The following KCNQ5 variants were observed in gnomAD, a reference collection of about 807,000 sequenced individuals.
The protein encoded by KCNQ5 is potassium voltage-gated channel subfamily KQT member 5.
A neutral mutation model predicts 98.2 loss-of-function variants in KCNQ5; 30 were observed. The ratio of observed to expected loss-of-function variants is 0.31; its 90% CI spans 0.23 to 0.41. The LOEUF is 0.41. Among genes scored for constraint, KCNQ5 ranks in the 10% least tolerant of loss-of-function variants. The pLI is 1.00. For synonymous variants in KCNQ5, 458 were observed against 449.4 expected (o/e 1.02, Z -0.24); for missense variants, 835 against 1,182.5 (o/e 0.71, Z 4.31).
At position 72,789,568 on chromosome 6, in the gene KCNQ5, T is replaced by TTATA. The variant is rs1773925877; in HGVS notation, c.398+166982_398+166985dup. On this transcript the variant is annotated intron_variant, in intron 1 of 13. Transcript: ENST00000370398. The stretch of plus-strand genomic sequence containing the variant: ...ATATAGAGAAAGGAAATATAACTTG[T>TTATA]TATAGAAAGAGTATCAGTGATAGAA... Among the ~76,000 whole-genome samples the TTATA allele has an allele frequency of 2.6e-5, 4 of 152,194 alleles. No homozygotes were observed. The South Asian group carries it at 8.3e-4, about 32-fold the overall frequency.
At chr6:73,110,955 T>C (rs536840881) in intron 6 of KCNQ5, among the ~76,000 whole-genome samples, 9 of 152,250 alleles carry the variant, frequency 5.9e-5, no homozygotes, top group Non-Finnish European at 8.8e-5. Context: ...CAATCTAACT[T>C]AGGCAAAAAG....
chr6:72,986,224 C>A, intron 1 of KCNQ5: 1 of 183,320 alleles, frequency 5.5e-6, no homozygotes, highest in Non-Finnish European at 1.1e-5. Flanking sequence ...TGTGAGACTC[C>A]ATCTCAAAAG....
intron 1 of KCNQ5, among the ~76,000 whole-genome samples, chr6:72,683,108 TTTG>T (rs1767785055): frequency 6.6e-6 from 1 of 152,142 alleles, no homozygotes. Flanking sequence ...TTACCACAAT[TTTG>T]TTAAGTGGAG....
chr6:72,798,285 G>T (rs1055737544), intron 1 of KCNQ5, among the ~76,000 whole-genome samples: 1 of 152,144 alleles, frequency 6.6e-6, no homozygotes, highest in African/African-American at 2.4e-5. Context: ...TGGTATTATG[G>T]TTTGAAGGTA....
intron 1 of KCNQ5, among the ~76,000 whole-genome samples, chr6:72,775,846 A>G (rs564334180): frequency 9.2e-5 from 14 of 152,312 alleles, no homozygotes; most frequent in African/African-American, 3.4e-4. Context: ...AAACAAGGAA[A>G]GCCTGAGAAC....
At chr6:73,113,660 A>C (rs1775354389) in intron 7 of KCNQ5, among the ~76,000 whole-genome samples, 1 of 152,266 alleles carries the variant, frequency 6.6e-6, no homozygotes, top group South Asian at 2.1e-4. Flanking sequence ...ACTGTGCAAC[A>C]ATAATTTCCA....
intron 1 of KCNQ5, among the ~76,000 whole-genome samples, chr6:72,695,619 T>C (rs1768448993): frequency 6.6e-6 from 1 of 152,192 alleles, no homozygotes; most frequent in Non-Finnish European, 1.5e-5. Context: ...TGCATGACTG[T>C]GTTTATAATA....
At chr6:73,155,914 A>G (rs750682323) in intron 10 of KCNQ5, among the ~76,000 whole-genome samples, 14 of 152,314 alleles carry the variant, frequency 9.2e-5, no homozygotes, top group East Asian at 1.9e-4. Context: ...TTCCTTATTC[A>G]TGCCTTGAGG....
At chr6:72,777,996 T>C (rs1158191321) in intron 1 of KCNQ5, among the ~76,000 whole-genome samples, 1 of 152,144 alleles carries the variant, frequency 6.6e-6, no homozygotes, top group East Asian at 1.9e-4. Context: ...TAATCAACTC[T>C]GAAACTCAAG....
At position 72,809,202 on chromosome 6, in the gene KCNQ5, T is replaced by G. The variant is rs1775110281; in HGVS notation, c.398+186615T>G. Among the ~76,000 whole-genome samples, 5 of 123,252 alleles carry G rather than the reference T, an allele frequency of 4.1e-5. No individual in the cohort carries two copies. In the South Asian group the frequency reaches 1.4e-3, roughly 34 times the overall value. The allele number at this position is 123,252 out of a possible 152,430, so 80.9% of individuals were successfully genotyped here. ...GTGGGAATTGAACAATGAGATCACA[T>G]GGACACAGGAAGGGGAACATCACAC... is the stretch of plus-strand genomic sequence containing the variant. On this transcript the variant is annotated intron_variant, in intron 1 of 13. Transcript: ENST00000370398.
At chr6:73,190,954 G>A (rs76242794) in intron 12 of KCNQ5, among the ~76,000 whole-genome samples, 4,256 of 152,174 alleles carry the variant, frequency 0.028, 185 homozygotes, top group African/African-American at 0.097. Context: ...TGCCTTATAG[G>A]GTTGTCATGA....
At chr6:73,084,317 G>T (rs1354665591) in intron 5 of KCNQ5, among the ~76,000 whole-genome samples, 3 of 152,146 alleles carry the variant, frequency 2.0e-5, no homozygotes, top group Non-Finnish European at 2.9e-5. Context: ...TTTAATGTTG[G>T]ATTCCCAGCC....
intron 3 of KCNQ5, chr6:73,055,342 G>T: frequency 1.4e-6 from 2 of 1,437,550 alleles, no homozygotes; most frequent in South Asian, 2.3e-5. Flanking sequence ...TGAGGACTTG[G>T]CGCCTCAATG....
chr6:72,998,758 T>A (rs1379078652), intron 1 of KCNQ5, among the ~76,000 whole-genome samples: 1 of 151,278 alleles, frequency 6.6e-6, no homozygotes, highest in East Asian at 1.9e-4. Context: ...AAATTTAAGA[T>A]CTCCCCTCCC....
chr6:73,024,722 C>T (rs1770794827), intron 2 of KCNQ5, among the ~76,000 whole-genome samples: 2 of 152,280 alleles, frequency 1.3e-5, no homozygotes, highest in Non-Finnish European at 2.9e-5. Context: ...TTTTATAAGA[C>T]TGACATTTCA....
At chr6:72,888,735 T>C (rs2150180462) in intron 1 of KCNQ5, among the ~76,000 whole-genome samples, 1 of 152,320 alleles carries the variant, frequency 6.6e-6, no homozygotes, top group Non-Finnish European at 1.5e-5. Flanking sequence ...TGTTAGTGAA[T>C]ACCCATCACT....
chr6:72,961,529 G>A (rs565098154), intron 1 of KCNQ5, among the ~76,000 whole-genome samples: 1 of 151,494 alleles, frequency 6.6e-6, no homozygotes, highest in African/African-American at 2.4e-5. Context: ...GGCTGAGGCA[G>A]GAGAATGGCG....
intron 5 of KCNQ5, among the ~76,000 whole-genome samples, chr6:73,100,442 G>A (rs6927759): frequency 0.73 from 111,421 of 151,706 alleles, 45,754 homozygotes; most frequent in South Asian, 0.94. Flanking sequence ...TGAGGCAGGC[G>A]GATCATGAGG....
chr6:73,022,459 C>CAGT (rs1770651088), intron 2 of KCNQ5, among the ~76,000 whole-genome samples: 1 of 152,082 alleles, frequency 6.6e-6, no homozygotes, highest in South Asian at 2.1e-4. Context: ...CTGAGCAACA[C>CAGT]AGTAAGTCCT....
Sources: gnomAD v4.1 joint callset for allele counts (sites outside exome capture counted in the v4.1 genomes callset) on GRCh38, gnomAD v4.1.1 for gene constraint, MANE v1.5 for transcripts, NCBI Gene and HGNC (gene_info 2026-07-23, HGNC 2026-07-21) for gene names.